Variants in PCNX2 observed in about 807,000 individuals in gnomAD.
PCNX2 encodes the protein pecanex 2.
In PCNX2, 168 loss-of-function variants were observed where a neutral mutation model predicts 223.8. The observed-to-expected ratio is 0.75, with a 90% CI of 0.66 to 0.85. The LOEUF (loss-of-function observed/expected upper bound fraction) is 0.85, where lower values mean the gene tolerates loss of function less well. Among genes scored for constraint, PCNX2 ranks in the 40% least tolerant of loss-of-function variants. PCNX2 has a pLI of 0.00. For synonymous variants in PCNX2, 1,006 were observed against 1,052.6 expected, an observed-to-expected ratio of 0.96 and a Z score of 0.86; for missense variants, 2,507 against 2,675.5, an observed-to-expected ratio of 0.94 and a Z score of 1.39.
At chr1:233,195,270 T>G (rs1680661540) in intron 15 of PCNX2, among the ~76,000 whole-genome samples, 1 of 152,138 alleles carries the variant, frequency 6.6e-6, no homozygotes, top group African/African-American at 2.4e-5. Flanking sequence ...TTAACATCAT[T>G]TATGATGATA....
chr1:233,083,778 C>A (rs866960010), intron 23 of PCNX2, among the ~76,000 whole-genome samples: 2 of 152,120 alleles, frequency 1.3e-5, no homozygotes, highest in African/African-American at 4.8e-5. Flanking sequence ...AAACACGGTG[C>A]CTGAAGGGAA....
intron 25 of PCNX2, among the ~76,000 whole-genome samples, chr1:233,036,306 T>C (rs1671451676): frequency 6.6e-6 from 1 of 152,142 alleles, no homozygotes; most frequent in Non-Finnish European, 1.5e-5. Context: ...CCTCACTATA[T>C]TTAATTTGTG....
chr1:233,009,532 T>A (rs545674061), intron 28 of PCNX2, among the ~76,000 whole-genome samples: 1 of 152,242 alleles, frequency 6.6e-6, no homozygotes, highest in South Asian at 2.1e-4. Context: ...CTCATGATGT[T>A]TTAACAGCAA....
At chr1:233,320,350 C>CGTGT in the PCNX2 span, among the ~76,000 whole-genome samples, 1,570 of 149,894 alleles carry the variant, frequency 0.01, 25 homozygotes, top group African/African-American at 0.035. Context: ...TACATACATT[C>CGTGT]GTGTGTGTGT....
rs539094743 is a variant in PCNX2, at chr1:233,052,912, T to G, written c.4351+1356A>C. Among the ~76,000 whole-genome samples the G allele has an allele frequency of 4.6e-5, 7 of 152,078 alleles. No individual in the cohort carries two copies. The South Asian group carries it at 1.5e-3, about 32-fold the overall frequency. ...TGGGGGGCACACAGAGCCTCCCCTC[T>G]TACTCACCCCTAACAGCTAGCCCTT... On this transcript the variant is annotated intron_variant, in intron 25 of 33. Coordinates refer to ENST00000258229, the MANE Select transcript of PCNX2 (RefSeq NM_014801.4).
At chr1:233,259,909 A>G (rs1232483887) in intron 4 of PCNX2, 6 of 701,826 alleles carry the variant, frequency 8.5e-6, no homozygotes, top group Non-Finnish European at 1.0e-5. Context: ...CAGTATAACA[A>G]CTATATATAT....
At chr1:233,160,748 C>G (rs1199473676) in intron 18 of PCNX2, among the ~76,000 whole-genome samples, 1 of 152,110 alleles carries the variant, frequency 6.6e-6, no homozygotes, top group Admixed American at 6.5e-5. Context: ...CAGACATTTC[C>G]TCATGAAAAG....
intron 9 of PCNX2, chr1:233,232,993 A>G: frequency 1.0e-6 from 1 of 985,432 alleles, no homozygotes; most frequent in Non-Finnish European, 1.2e-6. Flanking sequence ...TGGAGACCAT[A>G]TCCAGGTGAG....
At chr1:233,263,699 G>A (rs1572172661) in intron 1 of PCNX2, among the ~76,000 whole-genome samples, 1 of 151,966 alleles carries the variant, frequency 6.6e-6, no homozygotes, top group South Asian at 2.1e-4. Context: ...CAGGTGATCC[G>A]CCCACTTCGA....
At chr1:233,225,124 A>T (rs1330284562) in intron 10 of PCNX2, among the ~76,000 whole-genome samples, 3 of 151,088 alleles carry the variant, frequency 2.0e-5, no homozygotes, top group Non-Finnish European at 4.4e-5. Flanking sequence ...AAAAAAAAAA[A>T]AAAAAAAAAA....
At chr1:233,323,993 A>G in the PCNX2 span, among the ~76,000 whole-genome samples, 1 of 152,268 alleles carries the variant, frequency 6.6e-6, no homozygotes, top group African/African-American at 2.4e-5. Flanking sequence ...CTACTCCAAT[A>G]AACACATGAA....
chr1:233,259,238 C>G lies in PCNX2; in HGVS notation c.624G>C (p.Thr208=). The G allele has an allele frequency of 6.2e-7, 1 of 1,613,910 alleles. No individual in the cohort carries two copies. The highest frequency in any genetic ancestry group is 8.5e-7 in the Non-Finnish European group (1 of 1,179,870). The change falls in exon 5 of 34, where the codon ACG becomes ACC. Residue 208 remains threonine (T), a synonymous_variant. Transcript: ENST00000258229. ...PASQAHMLET[T]TKSVIPVKPV... is the part of the protein sequence containing the mutation. ...GTTTTACAGGTATTACTGACTTGGTCGTGGTTTCCAGCATGTGTGCTTGAG... is the reference window on the plus strand; with the variant it reads ...GTTTTACAGGTATTACTGACTTGGTGGTGGTTTCCAGCATGTGTGCTTGAG...
chr1:233,048,044 A>G (rs1558186551), intron 25 of PCNX2, among the ~76,000 whole-genome samples: 1 of 152,252 alleles, frequency 6.6e-6, no homozygotes. Flanking sequence ...AATAGAAATC[A>G]ATACCAAGAA....
chr1:233,084,659 A>G (rs1673513909), intron 23 of PCNX2, among the ~76,000 whole-genome samples: 1 of 152,244 alleles, frequency 6.6e-6, no homozygotes, highest in African/African-American at 2.4e-5. Context: ...GTTTGCTGAG[A>G]TAACTGGGCA....
chr1:233,138,400 G>T (rs1321134539), intron 20 of PCNX2, among the ~76,000 whole-genome samples: 1 of 152,134 alleles, frequency 6.6e-6, no homozygotes, highest in East Asian at 1.9e-4. Flanking sequence ...AGTTGAATAG[G>T]GAAAACTTTA....
chr1:233,186,088 T>C (rs1252612009), intron 15 of PCNX2, among the ~76,000 whole-genome samples: 2 of 152,228 alleles, frequency 1.3e-5, no homozygotes, highest in Non-Finnish European at 2.9e-5. Flanking sequence ...ACACCTCTTA[T>C]GTTGGAATTT....
chr1:233,131,468 T>C (rs1676503036), intron 21 of PCNX2, among the ~76,000 whole-genome samples: 1 of 152,230 alleles, frequency 6.6e-6, no homozygotes, highest in Admixed American at 6.5e-5. Flanking sequence ...GGACCTTAAC[T>C]GTGAACTTCT....
At chr1:233,213,355 GA>G (rs1036712948) in intron 12 of PCNX2, among the ~76,000 whole-genome samples, 1 of 152,188 alleles carries the variant, frequency 6.6e-6, no homozygotes, top group Non-Finnish European at 1.5e-5. Flanking sequence ...ACCTCAAACA[GA>G]AAAAGGGCAT....
At position 233,001,742 on chromosome 1, in the gene PCNX2, G is replaced by GT. The variant is rs1670096720; in HGVS notation, c.4953-62dup. 1 of 1,372,606 alleles carries GT rather than the reference G, an allele frequency of 7.3e-7. No homozygotes were observed. The highest frequency in any genetic ancestry group is 1.5e-5 in the African/African-American group (1 of 68,880). The allele number at this position is 1,372,606 out of a possible 1,614,324, so 85.0% of individuals were successfully genotyped here. On this transcript the variant is annotated intron_variant, in intron 28 of 33. Coordinates refer to ENST00000258229, the MANE Select transcript of PCNX2 (RefSeq NM_014801.4). This position sits in a 1 kb window ranked among gnomAD's most constrained non-coding sequence, Gnocchi z 4.2. ...TCAGAATCCTGTCATTGTGAGCAAA[G>GT]TTTGAGTCTCCCATTTGTCTAAGAA...
Sources: allele counts gnomAD v4.1 joint callset (sites outside exome capture counted in the v4.1 genomes callset), GRCh38; gene constraint gnomAD v4.1.1; non-coding constraint Gnocchi (gnomAD v3.1); transcripts MANE v1.5; gene names NCBI Gene and HGNC (gene_info 2026-07-23, HGNC 2026-07-21).